The following ZNF780B variants were observed in gnomAD, a reference collection of about 807,000 sequenced individuals.
ZNF780B encodes zinc finger protein 780B.
ZNF780B carries 52 observed loss-of-function variants against 74.1 expected under a neutral mutation model. The observed-to-expected ratio is 0.70, with a 90% CI of 0.56 to 0.88. ZNF780B has a LOEUF of 0.88. ZNF780B is among the 40% of genes least tolerant of loss of function. ZNF780B has a pLI of 0.00. For missense variants in ZNF780B, 953 were observed against 1,007.6 expected, an observed-to-expected ratio of 0.95 and a Z score of 0.73; for synonymous variants, 315 against 324.3, an observed-to-expected ratio of 0.97 and a Z score of 0.31.
At chr19:40,039,843 A>T (rs1427040173) in intron 4 of ZNF780B, among the ~76,000 whole-genome samples, 2 of 151,914 alleles carry the variant, frequency 1.3e-5, no homozygotes, top group African/African-American at 4.8e-5. Context: ...ATATACAATC[A>T]TGTCATCTGC....
intron 4 of ZNF780B, among the ~76,000 whole-genome samples, chr19:40,042,227 G>A (rs1180686590): frequency 6.6e-6 from 1 of 152,138 alleles, no homozygotes; most frequent in Non-Finnish European, 1.5e-5. Context: ...TTGAATATTG[G>A]CCCCCACTCT....
At chr19:40,041,970 G>C (rs191045714) in intron 4 of ZNF780B, among the ~76,000 whole-genome samples, 2 of 150,566 alleles carry the variant, frequency 1.3e-5, no homozygotes, top group Non-Finnish European at 1.5e-5. Context: ...TGGTTATTTT[G>C]CTCATTACTT....
At chr19:40,049,589 T>C (rs1418528454) in intron 2 of ZNF780B, among the ~76,000 whole-genome samples, 1 of 152,120 alleles carries the variant, frequency 6.6e-6, no homozygotes, top group Non-Finnish European at 1.5e-5. Flanking sequence ...CTGAGGCCAC[T>C]CACTATGGAA....
chr19:40,032,204 C>A lies in ZNF780B; in HGVS notation c.*2153G>T. Reference sequence around the variant, plus strand: ...GTTCTAGACCAGTGGCTCTCTAACTCTGGTTGGTATCACAGACACAAAACC... The same window carrying A: ...GTTCTAGACCAGTGGCTCTCTAACTATGGTTGGTATCACAGACACAAAACC... On this transcript the variant is annotated 3_prime_UTR_variant, in exon 5 of 5. Transcript: ENST00000434248. 2.6e-6 allele frequency: 1 copy of A among 381,298 alleles called. No homozygotes were observed. Among genetic ancestry groups the A allele is most frequent in the Non-Finnish European group, 5.1e-6 (1 of 195,192 alleles). The allele number at this position is 381,298 out of a possible 1,614,324, so 23.6% of individuals were successfully genotyped here.
At chr19:40,038,948 G>A (rs1449233397) in intron 4 of ZNF780B, among the ~76,000 whole-genome samples, 1 of 152,030 alleles carries the variant, frequency 6.6e-6, no homozygotes, top group Non-Finnish European at 1.5e-5. Context: ...GGCTTTTGTT[G>A]CCATTGCTTT....
chr19:40,049,060 GA>G (rs374744126), intron 2 of ZNF780B: 28,961 of 254,774 alleles, frequency 0.11, 4 homozygotes, highest in South Asian at 0.19. Flanking sequence ...GCACTCCCTG[GA>G]AAAAAAAAAA....
At chr19:40,053,242 A>C (rs1170381513) in intron 1 of ZNF780B, among the ~76,000 whole-genome samples, 1 of 152,264 alleles carries the variant, frequency 6.6e-6, no homozygotes, top group Non-Finnish European at 1.5e-5. Context: ...ACCCAATTAA[A>C]AAATGGGCAA....
intron 4 of ZNF780B, among the ~76,000 whole-genome samples, chr19:40,038,945 G>C (rs1972494843): frequency 6.6e-6 from 1 of 152,072 alleles, no homozygotes; most frequent in African/African-American, 2.4e-5. Flanking sequence ...TTTGGCTTTT[G>C]TTGCCATTGC....
chr19:40,034,979 T>G lies in ZNF780B; in HGVS notation c.1880A>C (p.Gln627Pro). The change falls in exon 5 of 5, where the codon CAG becomes CCG. Residue 627 changes from glutamine (Q) to proline (P), a missense_variant. By Grantham distance (76) the Gln-to-Pro change is moderately conservative. Transcript: ENST00000434248. ...GTGAATGTTCTTATGGTGATTAAGC[T>G]GGGTGTGAAGACTGAAGGCCTTGCC... ...ECGKAFSLHTQLNHHKNIHTG... is the reference protein window; with the variant it reads ...ECGKAFSLHTPLNHHKNIHTG... The G allele has an allele frequency of 1.2e-6, 2 of 1,614,148 alleles. No homozygotes were observed. The highest frequency in any genetic ancestry group is 1.7e-6 in the Non-Finnish European group (2 of 1,179,996).
Position 40,034,215 on chromosome 19 carries a change from A to C in ZNF780B, c.*142T>G. ...CTCACCAGTATGAATTCTCTGATGT[A>C]CTCTAAGGTTTCTACCACTGGTAAA... On this transcript the variant is annotated 3_prime_UTR_variant, in exon 5 of 5. Coordinates refer to ENST00000434248, the MANE Select transcript of ZNF780B (RefSeq NM_001005851.3). 1 of 709,344 alleles carries C rather than the reference A, an allele frequency of 1.4e-6. No homozygotes were observed. Among genetic ancestry groups the C allele is most frequent in the Non-Finnish European group, 2.4e-6 (1 of 417,134 alleles). 43.9% of individuals were successfully genotyped at this position (709,344 alleles called of 1,614,324 possible). A position where few individuals can be genotyped will look rare whatever the true frequency, so the allele number is the denominator to read the frequency against.
intron 4 of ZNF780B, among the ~76,000 whole-genome samples, chr19:40,039,560 C>G (rs1208905280): frequency 2.0e-5 from 3 of 151,420 alleles, no homozygotes; most frequent in Admixed American, 6.6e-5. Flanking sequence ...AATGTTCTTC[C>G]ATTTGTTTGT....
rs1015646586 is a variant in ZNF780B, at chr19:40,033,108, T to A, written c.*1249A>T. On this transcript the variant is annotated 3_prime_UTR_variant, in exon 5 of 5. Transcript: ENST00000434248. Reference sequence around the variant, plus strand: ...CATCTTTTATGGGCAGGATTTGTGGTATCCCCAAACAATTACACTAGTAAC... The same window carrying A: ...CATCTTTTATGGGCAGGATTTGTGGAATCCCCAAACAATTACACTAGTAAC... 8 of 152,532 alleles carry A rather than the reference T, an allele frequency of 5.2e-5. No individual in the cohort carries two copies. Among genetic ancestry groups the A allele is most frequent in the African/African-American group, 1.9e-4 (8 of 41,576 alleles). The allele number at this position is 152,532 out of a possible 1,614,324, so 9.4% of individuals were successfully genotyped here.
rs1973055696 is a variant in ZNF780B, at chr19:40,048,617, A to G, written c.136+53T>C. On this transcript the variant is annotated intron_variant, in intron 3 of 4. Transcript: ENST00000434248. The stretch of plus-strand genomic sequence containing the variant: ...ACAGCCCTGAAACTCATGATGAAGA[A>G]AGCTGATATTCCAGAGAACAGATAC... 8 of 1,613,562 alleles carry G rather than the reference A, an allele frequency of 5.0e-6. No individual in the cohort carries two copies. The East Asian group carries it at 1.8e-4, about 36-fold the overall frequency.
Position 40,045,079 on chromosome 19 carries a change from A to C in ZNF780B, c.232+2296T>G, listed in dbSNP as rs1409984111. 2.0e-5 allele frequency among the ~76,000 whole-genome samples: 3 copies of C among 152,236 alleles called. 1 individual carries two copies. The highest frequency in any genetic ancestry group is 2.0e-4 in the Admixed American group (3 of 15,286). Reference sequence around the variant, plus strand: ...TATCAGAAAAAAACAGATTTTAAGTAAAAAACAGCAAAAAGAGACAAAGAA... The same window carrying C: ...TATCAGAAAAAAACAGATTTTAAGTCAAAAACAGCAAAAAGAGACAAAGAA... On this transcript the variant is annotated intron_variant, in intron 4 of 4. Transcript: ENST00000434248.
At chr19:40,038,615 T>C (rs1202216814) in intron 4 of ZNF780B, among the ~76,000 whole-genome samples, 1 of 150,660 alleles carries the variant, frequency 6.6e-6, no homozygotes, top group African/African-American at 2.4e-5. Context: ...TTCTAACTGG[T>C]GTGAGATGGT....
At position 40,040,024 on chromosome 19, in the gene ZNF780B, T is replaced by G. The variant is rs1429271957; in HGVS notation, c.233-3398A>C. Among the ~76,000 whole-genome samples, 5 of 152,258 alleles carry G rather than the reference T, an allele frequency of 3.3e-5. No homozygotes were observed. The East Asian group carries it at 7.7e-4, about 23-fold the overall frequency. ...GGGAATGCTTCCAGTTTTTGCCCAT[T>G]CAGTATGATATTGGCTGTGGGTTTG... On this transcript the variant is annotated intron_variant, in intron 4 of 4. Coordinates refer to ENST00000434248, the MANE Select transcript of ZNF780B (RefSeq NM_001005851.3).
rs528204743 is a variant in ZNF780B at position 40,031,891 on chromosome 19, C to T, written c.*2466G>A. The T allele has an allele frequency of 3.8e-5, 12 of 316,878 alleles. No homozygotes were observed. Among genetic ancestry groups the T allele is most frequent in the South Asian group, 1.1e-4 (4 of 35,964 alleles). The allele number at this position is 316,878 out of a possible 1,614,324, so 19.6% of individuals were successfully genotyped here. On this transcript the variant is annotated 3_prime_UTR_variant, in exon 5 of 5. Coordinates refer to ENST00000434248, the MANE Select transcript of ZNF780B (RefSeq NM_001005851.3). ...AAACTAAATCTTTACAATGGACTTA[C>T]GGCGGTTACCAGCTTACCCAAATGA...
intron 1 of ZNF780B, among the ~76,000 whole-genome samples, chr19:40,054,338 T>C (rs935866725): frequency 3.9e-5 from 6 of 152,172 alleles, no homozygotes; most frequent in Non-Finnish European, 8.8e-5. Flanking sequence ...GTATCTACTA[T>C]TAATAACTAC....
At chr19:40,044,744 A>G (rs962428815) in intron 4 of ZNF780B, among the ~76,000 whole-genome samples, 15 of 152,234 alleles carry the variant, frequency 9.9e-5, no homozygotes, top group African/African-American at 3.4e-4. Context: ...CCCCTAAAGA[A>G]AACAACCAAA....
Sources: gnomAD v4.1 joint callset for allele counts (sites outside exome capture counted in the v4.1 genomes callset) on GRCh38, gnomAD v4.1.1 for gene constraint, MANE v1.5 for transcripts, NCBI Gene and HGNC (gene_info 2026-07-23, HGNC 2026-07-21) for gene names.